Variants in TARBP1 observed in about 807,000 individuals in gnomAD.
The protein encoded by TARBP1 is tRNA (guanosine(18)-2'-O)-methyltransferase TARBP1.
Under a neutral mutation model 178.6 loss-of-function variants are expected in TARBP1, and 144 were observed. The observed-to-expected ratio is 0.81, with a 90% CI of 0.70 to 0.93. TARBP1 has a LOEUF of 0.93. TARBP1 is among the 40% of genes least tolerant of loss of function. The probability of loss-of-function intolerance (pLI) is 0.00; values close to 1 mark genes in which losing one functional copy is unlikely to be tolerated. For synonymous variants in TARBP1, 787 were observed against 781.0 expected (o/e 1.01, Z -0.13); for missense variants, 2,067 against 2,011.7 (o/e 1.03, Z -0.53).
intron 11 of TARBP1, among the ~76,000 whole-genome samples, chr1:234,447,310 G>A: frequency 9.4e-6 from 1 of 106,524 alleles, no homozygotes; most frequent in African/African-American, 3.7e-5. Context: ...ACAAACATAA[G>A]CTAGTCAAGG....
rs370694196 is a variant in TARBP1, at chr1:234,420,679, C to G, written c.3555+23G>C. 2.7e-6 allele frequency: 4 copies of G among 1,493,172 alleles called. No individual in the cohort carries two copies. In the African/African-American group the frequency reaches 5.6e-5, roughly 21 times the overall value. The allele number at this position is 1,493,172 out of a possible 1,614,324, so 92.5% of individuals were successfully genotyped here. ...CATGAAATCATATGCTTCAAAGGTACAAATATAATAAAAATATGATACCTG... is the reference window on the plus strand; with the variant it reads ...CATGAAATCATATGCTTCAAAGGTAGAAATATAATAAAAATATGATACCTG... On this transcript the variant is annotated intron_variant, in intron 21 of 29. Coordinates refer to ENST00000040877, the MANE Select transcript of TARBP1 (RefSeq NM_005646.4).
intron 4 of TARBP1, among the ~76,000 whole-genome samples, chr1:234,467,245 G>C (rs975517138): frequency 6.6e-6 from 1 of 152,172 alleles, no homozygotes; most frequent in Non-Finnish European, 1.5e-5. Context: ...TTATGCTTAC[G>C]ATTCTTGACT....
At chr1:234,442,837 A>G (rs1665728516) in intron 12 of TARBP1, among the ~76,000 whole-genome samples, 6 of 152,180 alleles carry the variant, frequency 3.9e-5, no homozygotes, top group Admixed American at 3.9e-4. Context: ...AAGGTATCCA[A>G]TATTATCATC....
At position 234,460,415 on chromosome 1, in the gene TARBP1, A is replaced by G. The variant is rs911404151; in HGVS notation, c.1400-19T>C. ...AAGCTACCTGAAAGAAAAAGTTTTA[A>G]ATTATCATTGTTGCCAATTAGCACA... On this transcript the variant is annotated intron_variant, in intron 6 of 29. Coordinates refer to ENST00000040877, the MANE Select transcript of TARBP1 (RefSeq NM_005646.4). 1.2e-6 allele frequency: 2 copies of G among 1,613,100 alleles called. No individual in the cohort carries two copies. The highest frequency in any genetic ancestry group is 1.7e-6 in the Non-Finnish European group (2 of 1,179,484).
chr1:234,448,527 C>T lies in TARBP1; in HGVS notation c.1914G>A (p.Leu638=), dbSNP rs1446689169. 1.9e-6 allele frequency: 3 copies of T among 1,614,052 alleles called. No individual in the cohort carries two copies. Among genetic ancestry groups the T allele is most frequent in the Admixed American group, 1.7e-5 (1 of 60,010 alleles). Reference sequence around the variant, plus strand: ...CCACATCCACAGCCAGCAAGACCATCAGAGAAACAAGCTTGGCTTCAAACC... The same window carrying T: ...CCACATCCACAGCCAGCAAGACCATTAGAGAAACAAGCTTGGCTTCAAACC... ...PDWFEAKLVS[L]MVLLAVDVEG... Residue 638 remains leucine, a synonymous_variant, in exon 11 of 30, where the codon CTG becomes CTA. Transcript: ENST00000040877.
chr1:234,403,831 C>T (rs1660949748), intron 24 of TARBP1, among the ~76,000 whole-genome samples: 1 of 152,104 alleles, frequency 6.6e-6, no homozygotes, highest in South Asian at 2.1e-4. Flanking sequence ...TTACAGGCGC[C>T]TGCCACCACA....
At position 234,427,357 on chromosome 1, in the gene TARBP1, T is replaced by C; in HGVS notation, c.3283A>G (p.Asn1095Asp). The part of the protein sequence containing the change: ...LVQDVQTFIE[N>D]LGHDCAANIV... ...TTTGCCGCACAGTCATGTCCAAGGT[T>C]TTCTATGAAGGTCTGTACATCCTGA... The change falls in exon 19 of 30, where the codon AAC becomes GAC. Residue 1095 changes from asparagine (N) to aspartate (D), a missense_variant. Asn to Asp is a conservative substitution (Grantham distance 23, BLOSUM62 1). Coordinates refer to ENST00000040877, the MANE Select transcript of TARBP1 (RefSeq NM_005646.4). 1 of 1,612,554 alleles carries C rather than the reference T, an allele frequency of 6.2e-7. No homozygotes were observed. Among genetic ancestry groups the C allele is most frequent in the East Asian group, 2.2e-5 (1 of 44,784 alleles).
chr1:234,446,759 A>G (rs747528100), intron 12 of TARBP1, 44 bp downstream of exon 12: 9 of 1,591,070 alleles, frequency 5.7e-6, no homozygotes, highest in Non-Finnish European at 7.7e-6. Flanking sequence ...CTAAATACCA[A>G]TGCTATATCA....
At chr1:234,424,992 C>T (rs1218559085) in intron 20 of TARBP1, among the ~76,000 whole-genome samples, 34 of 151,450 alleles carry the variant, frequency 2.2e-4, no homozygotes, top group African/African-American at 7.5e-4. Flanking sequence ...ATCCAGGAGG[C>T]AGAGGTTGCA....
At chr1:234,449,010 C>T (rs1213632947) in intron 10 of TARBP1, among the ~76,000 whole-genome samples, 1 of 152,160 alleles carries the variant, frequency 6.6e-6, no homozygotes, top group African/African-American at 2.4e-5. Context: ...GACAATTGGG[C>T]TGAGTGTGAC....
chr1:234,410,353 A>T (rs994777536), intron 23 of TARBP1, 92 bp downstream of exon 23: 2 of 739,444 alleles, frequency 2.7e-6, no homozygotes, highest in Admixed American at 2.9e-5. Flanking sequence ...AATTGCAAAC[A>T]TTCACAGGAA....
chr1:234,413,390 C>T (rs1662067856), intron 22 of TARBP1, among the ~76,000 whole-genome samples: 1 of 152,232 alleles, frequency 6.6e-6, no homozygotes, highest in South Asian at 2.1e-4. Context: ...AGGAGAATCG[C>T]TTGAACCCGG....
At chr1:234,478,081 G>C in intron 1 of TARBP1, 92 bp downstream of exon 1, 1 of 1,272,014 alleles carries the variant, frequency 7.9e-7, no homozygotes, top group Non-Finnish European at 1.1e-6. Context: ...TCGGAGTGAC[G>C]ACCCCGATAA....
At chr1:234,427,966 T>G (rs1663977200) in intron 17 of TARBP1, among the ~76,000 whole-genome samples, 200 bp from the exon 18 acceptor site, 1 of 152,186 alleles carries the variant, frequency 6.6e-6, no homozygotes, top group Non-Finnish European at 1.5e-5. Flanking sequence ...AAATAAAATT[T>G]TACTGATAGT....
chr1:234,453,093 G>C (rs1186151243), intron 9 of TARBP1, among the ~76,000 whole-genome samples: 1 of 152,126 alleles, frequency 6.6e-6, no homozygotes, highest in African/African-American at 2.4e-5. Flanking sequence ...GAATTTTTGG[G>C]GGCAGTGAGA....
chr1:234,408,988 A>C (rs1416053022), intron 23 of TARBP1, among the ~76,000 whole-genome samples: 1 of 152,242 alleles, frequency 6.6e-6, no homozygotes, highest in Non-Finnish European at 1.5e-5. Context: ...TACAGATCCC[A>C]CATGCAGGTT....
chr1:234,446,635 A>C, intron 12 of TARBP1, among the ~76,000 whole-genome samples, 168 bp downstream of exon 12: 1 of 149,692 alleles, frequency 6.7e-6, no homozygotes, highest in South Asian at 2.1e-4. Flanking sequence ...TTTTTCTTAA[A>C]TTATATAATT....
chr1:234,448,636 G>A (rs973166930), intron 10 of TARBP1, 57 bp from the exon 11 acceptor site: 2 of 1,398,090 alleles, frequency 1.4e-6, no homozygotes, highest in East Asian at 2.3e-5. Context: ...CAAGGATGAT[G>A]CTTCAAAAAA....
intron 6 of TARBP1, among the ~76,000 whole-genome samples, chr1:234,461,009 T>C (rs554108340): frequency 6.6e-6 from 1 of 152,250 alleles, no homozygotes; most frequent in African/African-American, 2.4e-5. Flanking sequence ...ACAAAGAGGA[T>C]CAGTGGCTGC....
Sources: gnomAD v4.1 joint callset for allele counts (sites outside exome capture counted in the v4.1 genomes callset) on GRCh38, gnomAD v4.1.1 for gene constraint, MANE v1.5 for transcripts, NCBI Gene and HGNC (gene_info 2026-07-23, HGNC 2026-07-21) for gene names.